Variants in ACER1 observed in about 807,000 individuals in gnomAD.
ACER1 encodes CTB-180A7.3.
In ACER1, 28 loss-of-function variants were observed where a neutral mutation model predicts 24.9. The ratio of observed to expected loss-of-function variants is 1.13; its 90% CI spans 0.83 to 1.54. ACER1 has a LOEUF of 1.54. Among genes scored for constraint, ACER1 ranks in the 40% most tolerant of loss-of-function variants. ACER1 has a pLI of 0.00. For synonymous variants in ACER1, 132 were observed against 131.4 expected (o/e 1.00, Z -0.03); for missense variants, 352 against 349.3 (o/e 1.01, Z -0.06).
the ACER1 span, among the ~76,000 whole-genome samples, chr19:6,354,704 A>C: frequency 1.3e-5 from 2 of 152,108 alleles, no homozygotes; most frequent in Non-Finnish European, 2.9e-5. Context: ...AGGATTGCTC[A>C]AGCTCAGGAA....
At chr19:6,341,607 CTTTTG>C in the ACER1 span, among the ~76,000 whole-genome samples, 21 of 145,384 alleles carry the variant, frequency 1.4e-4, no homozygotes, top group East Asian at 1.2e-3. Context: ...TTTTTGTTTT[CTTTTG>C]TTTTGTTTTG....
the ACER1 span, among the ~76,000 whole-genome samples, chr19:6,351,778 C>T: frequency 1.4e-4 from 21 of 151,388 alleles, 1 homozygote; most frequent in African/African-American, 4.6e-4. Flanking sequence ...ACCCTTAGGC[C>T]GGGTGTGGTG....
At chr19:6,353,700 A>G in the ACER1 span, among the ~76,000 whole-genome samples, 3 of 151,456 alleles carry the variant, frequency 2.0e-5, no homozygotes, top group African/African-American at 7.3e-5. Flanking sequence ...TGGCACGTGC[A>G]TGTAATCCCA....
upstream of ACER1, among the ~76,000 whole-genome samples, chr19:6,336,723 G>T (rs1438403619): frequency 6.6e-6 from 1 of 151,290 alleles, no homozygotes; most frequent in Non-Finnish European, 1.5e-5. Flanking sequence ...GGGAGGCTGA[G>T]GCAGGAAAAT....
upstream of ACER1, among the ~76,000 whole-genome samples, chr19:6,336,448 G>C (rs1036164163): frequency 6.6e-6 from 1 of 152,164 alleles, no homozygotes; most frequent in Non-Finnish European, 1.5e-5. Flanking sequence ...TCACCTGTAA[G>C]GTGGTGAAAA....
intron 4 of ACER1, among the ~76,000 whole-genome samples, chr19:6,308,247 C>G (rs2091561359): frequency 6.6e-6 from 1 of 152,044 alleles, no homozygotes; most frequent in East Asian, 1.9e-4. Context: ...CCAGCCTGGC[C>G]AACATGGCGA....
Position 6,307,177 on chromosome 19 carries a change from T to A in ACER1, c.602A>T (p.His201Leu). 6.2e-7 allele frequency: 1 copy of A among 1,614,028 alleles called. No individual in the cohort carries two copies. The highest frequency in any genetic ancestry group is 8.5e-7 in the Non-Finnish European group (1 of 1,180,012). ...CCAGATGCTGTGCAGATAGAAGAAA[T>A]GAATCCTCTGCCAGAAGCTGCAAAG... is the stretch of plus-strand genomic sequence containing the variant. ...RLLCSFWQRIHFFYLHSIWHV... is the reference protein window; with the variant it reads ...RLLCSFWQRILFFYLHSIWHV... The change falls in exon 5 of 6, where the codon CAT (histidine) becomes CTT (leucine). Residue 201 changes from histidine to leucine, a missense_variant. Physicochemically the swap from His to Leu is moderately conservative, Grantham distance 99. Coordinates refer to ENST00000301452, the MANE Select transcript of ACER1 (RefSeq NM_133492.3).
In ACER1 at chr19:6,309,667, C is replaced by T. The variant is rs1331696251; in HGVS notation, c.488+30G>A. ...GGTGCTAGGAGGGGGATGGGAGCCT[C>T]CTGCCCAGGCACCTGCAGCCTTCAC... On this transcript the variant is annotated intron_variant, in intron 4 of 5. Coordinates refer to ENST00000301452, the MANE Select transcript of ACER1 (RefSeq NM_133492.3). 4 of 1,612,980 alleles carry T rather than the reference C, an allele frequency of 2.5e-6. No homozygotes were observed. In the African/African-American group the frequency reaches 5.3e-5, roughly 22 times the overall value.
intron 1 of ACER1, among the ~76,000 whole-genome samples, chr19:6,322,992 A>T (rs2091638572): frequency 6.6e-6 from 1 of 152,014 alleles, no homozygotes; most frequent in African/African-American, 2.4e-5. Context: ...CACACCTGTA[A>T]GCCCAGCTAC....
the ACER1 span, among the ~76,000 whole-genome samples, chr19:6,347,218 C>CTTTTTTTTTTTTTTTTT: frequency 7.6e-6 from 1 of 132,206 alleles, no homozygotes; most frequent in Non-Finnish European, 1.5e-5. Context: ...CTTTTCTTTT[C>CTTTTTTTTTTTTTTTTT]TTTTTCTTTT....
At chr19:6,324,292 C>A (rs1359648040) in intron 1 of ACER1, among the ~76,000 whole-genome samples, 1 of 151,410 alleles carries the variant, frequency 6.6e-6, no homozygotes, top group Admixed American at 6.6e-5. Flanking sequence ...GATCTCCCTG[C>A]CTTGGCCTCC....
At chr19:6,354,725 G>T in the ACER1 span, among the ~76,000 whole-genome samples, 2 of 152,162 alleles carry the variant, frequency 1.3e-5, no homozygotes, top group Non-Finnish European at 2.9e-5. Context: ...TTTGAGACCA[G>T]CCTCAGCAAC....
At chr19:6,347,109 AATAT>A in the ACER1 span, among the ~76,000 whole-genome samples, 6 of 113,760 alleles carry the variant, frequency 5.3e-5, no homozygotes, top group South Asian at 2.6e-4. Context: ...AAAAAAAAAA[AATAT>A]ATATATATAT....
At chr19:6,323,487 T>C (rs935046867) in intron 1 of ACER1, among the ~76,000 whole-genome samples, 3 of 152,216 alleles carry the variant, frequency 2.0e-5, no homozygotes, top group Admixed American at 6.5e-5. Context: ...CTTTGCCTGC[T>C]GCCATCCACG....
At chr19:6,309,920 G>A in intron 3 of ACER1, 86 bp from the exon 4 acceptor site, 2 of 1,547,024 alleles carry the variant, frequency 1.3e-6, no homozygotes, top group Non-Finnish European at 1.8e-6. Flanking sequence ...TGGCCCAGGT[G>A]GGTGAGAAAA....
chr19:6,341,819 G>A, the ACER1 span, among the ~76,000 whole-genome samples: 5,199 of 151,984 alleles, frequency 0.034, 305 homozygotes, highest in African/African-American at 0.12. Context: ...TAGTAGAGAC[G>A]CGGGTTTCAC....
chr19:6,345,153 C>A, the ACER1 span, among the ~76,000 whole-genome samples: 1 of 152,104 alleles, frequency 6.6e-6, no homozygotes, highest in Non-Finnish European at 1.5e-5. Context: ...CCTCTGCCAC[C>A]CAAAGTGCTG....
At chr19:6,327,599 A>T (rs914847271) in intron 1 of ACER1, among the ~76,000 whole-genome samples, 10 of 148,956 alleles carry the variant, frequency 6.7e-5, no homozygotes, top group Non-Finnish European at 1.5e-5. Context: ...AATAAAATAA[A>T]AATAAAATAA....
At chr19:6,360,269 G>A in the ACER1 span, 2 of 152,108 alleles carry the variant, frequency 1.3e-5, no homozygotes, top group Non-Finnish European at 1.5e-5. Flanking sequence ...AATGAATGAG[G>A]AGGTCTCAGT....
Sources: allele counts gnomAD v4.1 joint callset (sites outside exome capture counted in the v4.1 genomes callset), GRCh38; gene constraint gnomAD v4.1.1; transcripts MANE v1.5; gene names NCBI Gene and HGNC (gene_info 2026-07-23, HGNC 2026-07-21).